GAD2: variants seen among roughly 807,000 people sequenced by gnomAD.
GAD2 encodes 65 kDa glutamic acid decarboxylase.
Under a neutral mutation model 80.1 loss-of-function variants are expected in GAD2, and 22 were observed. That is an observed-to-expected ratio of 0.27 (90% CI 0.20 to 0.39). The LOEUF (loss-of-function observed/expected upper bound fraction) is 0.39. GAD2 is among the 10% of genes least tolerant of loss of function. The probability of loss-of-function intolerance (pLI) is 1.00; values close to 1 mark genes in which losing one functional copy is unlikely to be tolerated. For synonymous variants in GAD2, 274 were observed against 256.9 expected (o/e 1.07, Z -0.64); for missense variants, 624 against 738.4 (o/e 0.85, Z 1.80).
intron 8 of GAD2, among the ~76,000 whole-genome samples, chr10:26,264,414 T>C (rs1044840408): frequency 2.0e-5 from 3 of 151,222 alleles, no homozygotes; most frequent in African/African-American, 7.3e-5. Context: ...GTTCAGACCA[T>C]TCTCCTGCCT....
In GAD2 at chr10:26,217,525, T is replaced by A. The variant is rs1844391183; in HGVS notation, c.77-85T>A. 1 of 1,425,544 alleles carries A rather than the reference T, an allele frequency of 7.0e-7. No individual in the cohort carries two copies. The highest frequency in any genetic ancestry group is 1.4e-5 in the African/African-American group (1 of 70,596). 88.3% of individuals were successfully genotyped at this position (1,425,544 alleles called of 1,614,324 possible). ...GCCCCTCCTAGGACCCCGGACTGAT[T>A]GATTTTCACATAGAACGAAATTTCA... On this transcript the variant is annotated intron_variant, in intron 1 of 15. Transcript: ENST00000376261. The surrounding 1 kb of genome is among the most constrained non-coding windows in gnomAD (Gnocchi z 4.9).
rs370743762 is a variant in GAD2, at chr10:26,223,985, G to A, written c.611+8G>A. ...AACAGCAAATACTAACATGTAAGTA[G>A]CCAAATGTGTTTTTATGTAATTTAG... is the stretch of plus-strand genomic sequence containing the variant. On this transcript the variant is annotated splice_region_variant and intron_variant, in intron 5 of 15. Coordinates refer to ENST00000376261, the MANE Select transcript of GAD2 (RefSeq NM_001134366.2). The A allele has an allele frequency of 1.1e-5, 18 of 1,580,478 alleles. No individual in the cohort carries two copies. The African/African-American group carries it at 2.2e-4, about 19-fold the overall frequency.
intron 6 of GAD2, among the ~76,000 whole-genome samples, chr10:26,228,542 T>G (rs1844557983): frequency 6.6e-6 from 1 of 152,164 alleles, no homozygotes; most frequent in Non-Finnish European, 1.5e-5. Context: ...CCCAACCCCC[T>G]GGTGGTGGAT....
In GAD2 at chr10:26,238,254, G is replaced by C. The variant is rs150555537; in HGVS notation, c.841-7667G>C. Reference sequence around the variant, plus strand: ...TTCTCACATCAATTCTGCCAAGAGAGGACTTCATCATTGCACCTGAGCAAA... The same window carrying C: ...TTCTCACATCAATTCTGCCAAGAGACGACTTCATCATTGCACCTGAGCAAA... On this transcript the variant is annotated intron_variant, in intron 7 of 15. Transcript: ENST00000376261. Among the ~76,000 whole-genome samples the C allele has an allele frequency of 2.1e-3, 322 of 152,246 alleles. 3 individuals are homozygous for C. Among genetic ancestry groups the C allele is most frequent in the African/African-American group, 7.6e-3 (315 of 41,554 alleles).
chr10:26,262,798 G>C (rs1415218628), intron 8 of GAD2, among the ~76,000 whole-genome samples: 1 of 151,046 alleles, frequency 6.6e-6, no homozygotes. Flanking sequence ...TATTTATTTA[G>C]AGTAGCCAAG....
At chr10:26,233,944 A>G (rs1219714970) in intron 7 of GAD2, among the ~76,000 whole-genome samples, 1 of 152,188 alleles carries the variant, frequency 6.6e-6, no homozygotes, top group Admixed American at 6.5e-5. Context: ...CAAGACTCCT[A>G]GAAAATCAAA....
intron 15 of GAD2, among the ~76,000 whole-genome samples, chr10:26,297,307 A>G (rs1834285115): frequency 6.6e-6 from 1 of 152,256 alleles, no homozygotes; most frequent in African/African-American, 2.4e-5. Context: ...ATGTAAAAAC[A>G]AAGAGGTTTT....
chr10:26,274,258 C>T (rs1002272540), intron 11 of GAD2, among the ~76,000 whole-genome samples: 5 of 152,226 alleles, frequency 3.3e-5, no homozygotes, highest in African/African-American at 1.2e-4. Context: ...TCTGACACAG[C>T]TCCGACTGAT....
intron 9 of GAD2, 33 bp downstream of exon 9, chr10:26,269,206 T>A: frequency 6.5e-7 from 1 of 1,540,324 alleles, no homozygotes; most frequent in African/African-American, 1.4e-5. Flanking sequence ...ATCCAGCCCA[T>A]ATTTCTATTT....
chr10:26,285,379 G>A (rs138460219), intron 12 of GAD2, among the ~76,000 whole-genome samples: 212 of 152,248 alleles, frequency 1.4e-3, no homozygotes, highest in Non-Finnish European at 2.6e-3. Context: ...TTCTTTTGTC[G>A]TGAGTCACAA....
At chr10:26,235,732 T>TTAAC (rs748926532) in intron 7 of GAD2, among the ~76,000 whole-genome samples, 3 of 152,320 alleles carry the variant, frequency 2.0e-5, no homozygotes, top group East Asian at 1.9e-4. Flanking sequence ...ATTAACTTGA[T>TTAAC]GAGTTTTAGG....
intron 12 of GAD2, among the ~76,000 whole-genome samples, chr10:26,285,874 A>G (rs957697142): frequency 9.9e-5 from 15 of 152,194 alleles, no homozygotes; most frequent in Non-Finnish European, 2.1e-4. Context: ...TAAATGATAA[A>G]GTACTTGAAC....
At chr10:26,269,963 G>C (rs1845115225) in intron 9 of GAD2, among the ~76,000 whole-genome samples, 2 of 152,270 alleles carry the variant, frequency 1.3e-5, no homozygotes, top group East Asian at 3.9e-4. Flanking sequence ...CCTAAAGACT[G>C]ACACCATAAC....
rs1844423227 is a variant in GAD2, at chr10:26,219,201, T to C, written c.445T>C (p.Leu149=). The part of the protein sequence containing the change: ...NELLQEYNWE[L]ADQPQNLEEI... The stretch of plus-strand genomic sequence containing the variant: ...GCTTCTCCAAGAATATAATTGGGAA[T>C]TGGCAGACCAACCACAAAATTTGGA... The change falls in exon 4 of 16, where the codon TTG becomes CTG. Residue 149 remains leucine, a synonymous_variant. Coordinates refer to ENST00000376261, the MANE Select transcript of GAD2 (RefSeq NM_001134366.2). The C allele has an allele frequency of 6.2e-7, 1 of 1,613,766 alleles. No homozygotes were observed.
chr10:26,285,812 G>A (rs951824951), intron 12 of GAD2, among the ~76,000 whole-genome samples: 17 of 150,964 alleles, frequency 1.1e-4, no homozygotes, highest in African/African-American at 4.1e-4. Context: ...TGATAGCAAT[G>A]AGCTGCCTTA....
chr10:26,235,603 T>C (rs1320098555), intron 7 of GAD2, among the ~76,000 whole-genome samples: 2 of 152,354 alleles, frequency 1.3e-5, no homozygotes, highest in African/African-American at 4.8e-5. Context: ...TTCTCTAAAA[T>C]AGAGAATCAC....
chr10:26,277,227 G>A (rs1845219298), intron 11 of GAD2, among the ~76,000 whole-genome samples: 1 of 152,234 alleles, frequency 6.6e-6, no homozygotes, highest in African/African-American at 2.4e-5. Flanking sequence ...CAGTGTGTTG[G>A]AGAAAGTTCA....
chr10:26,239,555 T>G lies in GAD2; in HGVS notation c.841-6366T>G, dbSNP rs192606815. On this transcript the variant is annotated intron_variant, in intron 7 of 15. Transcript: ENST00000376261. Reference sequence around the variant, plus strand: ...TGTGGTCAACAAATTCAACAAATATTTTGTCAATTATACGCTATGACAAAG... The same window carrying G: ...TGTGGTCAACAAATTCAACAAATATGTTGTCAATTATACGCTATGACAAAG... Among the ~76,000 whole-genome samples, 315 of 152,362 alleles carry G rather than the reference T, an allele frequency of 2.1e-3. 1 individual carries two copies. Among genetic ancestry groups the G allele is most frequent in the African/African-American group, 7.4e-3 (306 of 41,580 alleles).
At chr10:26,229,196 GAA>G (rs35900771) in intron 6 of GAD2, among the ~76,000 whole-genome samples, 40 of 117,366 alleles carry the variant, frequency 3.4e-4, no homozygotes, top group African/African-American at 9.0e-4. Flanking sequence ...CCTGTCTCAA[GAA>G]AAAAAAAAAA....
Sources: gnomAD v4.1 joint callset for allele counts (sites outside exome capture counted in the v4.1 genomes callset) on GRCh38, gnomAD v4.1.1 for gene constraint, Gnocchi (gnomAD v3.1) non-coding constraint, MANE v1.5 for transcripts, NCBI Gene and HGNC (gene_info 2026-07-23, HGNC 2026-07-21) for gene names.